SLC41A3: variants seen among roughly 807,000 people sequenced by gnomAD.
SLC41A3 encodes solute carrier family 41 member 3.
SLC41A3 carries 44 observed loss-of-function variants against 45.4 expected under a neutral mutation model. The observed-to-expected ratio is 0.97, with a 90% CI of 0.76 to 1.25. The LOEUF (loss-of-function observed/expected upper bound fraction) is 1.25, where lower values mean the gene tolerates loss of function less well. Among genes scored for constraint, SLC41A3 ranks in the 50% most tolerant of loss-of-function variants. The pLI is 0.00. For synonymous variants in SLC41A3, 256 were observed against 252.4 expected (o/e 1.01, Z -0.13); for missense variants, 550 against 600.6 (o/e 0.92, Z 0.88).
upstream of SLC41A3, among the ~76,000 whole-genome samples, chr3:126,085,097 C>T (rs1182193732): frequency 6.6e-6 from 1 of 152,220 alleles, no homozygotes; most frequent in Non-Finnish European, 1.5e-5. Flanking sequence ...CAAACTCAAC[C>T]AATTGTCAAC....
At chr3:126,053,385 A>C in intron 2 of SLC41A3, among the ~76,000 whole-genome samples, 1 of 152,182 alleles carries the variant, frequency 6.6e-6, no homozygotes, top group Non-Finnish European at 1.5e-5. Context: ...GGAACTGCGG[A>C]AAAAAATCAG....
intron 10 of SLC41A3, 76 bp from the exon 11 acceptor site, chr3:126,007,301 C>A: frequency 1.3e-6 from 2 of 1,494,940 alleles, no homozygotes; most frequent in Non-Finnish European, 1.8e-6. Flanking sequence ...CTAGCTGAGG[C>A]TCAAGGAGAG....
At chr3:126,043,607 G>A (rs192715348) in intron 3 of SLC41A3, among the ~76,000 whole-genome samples, 105 of 152,110 alleles carry the variant, frequency 6.9e-4, no homozygotes, top group African/African-American at 2.5e-3. Context: ...TATACTTTAT[G>A]AGATCAATAA....
chr3:126,037,421 G>A (rs1200221893), intron 3 of SLC41A3, among the ~76,000 whole-genome samples: 2 of 152,176 alleles, frequency 1.3e-5, no homozygotes, highest in Admixed American at 1.3e-4. Context: ...GACAGAGAAG[G>A]CCAGGCTGAT....
At chr3:126,012,535 A>C (rs1939824309) in intron 9 of SLC41A3, 80 bp downstream of exon 9, 18 of 1,577,246 alleles carry the variant, frequency 1.1e-5, no homozygotes, top group Non-Finnish European at 8.6e-7. Flanking sequence ...CCATTGCTAC[A>C]AACACCAGAT....
In SLC41A3 at chr3:126,051,037, AAC is replaced by A; in HGVS notation, c.285_286del (p.Phe96CysfsTer38). On this transcript the variant is annotated frameshift_variant, in exon 3 of 11. Transcript: ENST00000360370. LOFTEE classifies it high-confidence loss of function. ...TGTCAAAAGGTCTTTCACCTCCACA[AAC>A]ACAGGCCAGTGCTGGTAGGGAAACA... 1 of 1,610,034 alleles carries A rather than the reference AAC, an allele frequency of 6.2e-7. No homozygotes were observed. Among genetic ancestry groups the A allele is most frequent in the Non-Finnish European group, 8.5e-7 (1 of 1,177,974 alleles).
At position 126,075,242 on chromosome 3, in the gene SLC41A3, G is replaced by A. The variant is rs72965905; in HGVS notation, c.-27-6996C>T. On this transcript the variant is annotated intron_variant, in intron 1 of 10. Transcript: ENST00000360370. The stretch of plus-strand genomic sequence containing the variant: ...ATTACAGCTGTGAGCCACTGTATCC[G>A]GCCAGTTTTATTTTTATACACTAAT... Among the ~76,000 whole-genome samples, 1,009 of 152,174 alleles carry A rather than the reference G, an allele frequency of 6.6e-3. 10 individuals carry two copies. Among genetic ancestry groups the A allele is most frequent in the African/African-American group, 0.023 (944 of 41,502 alleles).
chr3:126,033,666 G>T lies in SLC41A3; in HGVS notation c.394C>A (p.Gln132Lys). ...TGCTGCTCCTGGGGGTCATCAATTT[G>T]TCCAGTGTTGGCCTAGAATGAAGAG... Reference protein sequence around the residue: ...SRLSTAANTGQIDDPQEQHRV... With the variant: ...SRLSTAANTGKIDDPQEQHRV... Residue 132 changes from glutamine (Q) to lysine (K), a missense_variant, in exon 4 of 11, where the codon CAA becomes AAA. Gln to Lys is a moderately conservative substitution (Grantham distance 53). Coordinates refer to ENST00000360370, the MANE Select transcript of SLC41A3 (RefSeq NM_017836.4). 1.9e-6 allele frequency: 3 copies of T among 1,612,868 alleles called. No individual in the cohort carries two copies. Among genetic ancestry groups the T allele is most frequent in the Non-Finnish European group, 2.5e-6 (3 of 1,179,760 alleles).
At chr3:126,083,919 C>T (rs1190330005) in intron 1 of SLC41A3, 174 bp downstream of exon 1, 5 of 149,096 alleles carry the variant, frequency 3.4e-5, no homozygotes. Context: ...CCCCAAATCC[C>T]GGTCCCCACC....
chr3:126,100,013 T>G (rs1314909375), intron 1 of SLC41A3, among the ~76,000 whole-genome samples: 1 of 152,200 alleles, frequency 6.6e-6, no homozygotes, highest in East Asian at 1.9e-4. Flanking sequence ...TGTTCCTGTT[T>G]GTGTCTCTGT....
intron 2 of SLC41A3, among the ~76,000 whole-genome samples, chr3:126,052,011 A>T (rs11710529): frequency 0.083 from 12,581 of 152,210 alleles, 652 homozygotes; most frequent in African/African-American, 0.13. Context: ...GTGAAGGTGA[A>T]GAGATCAGAC....
chr3:126,079,235 C>T (rs1945029236), intron 1 of SLC41A3, among the ~76,000 whole-genome samples: 1 of 137,938 alleles, frequency 7.2e-6, no homozygotes, highest in African/African-American at 2.8e-5. Flanking sequence ...CACACACACA[C>T]ACACCCACAC....
intron 3 of SLC41A3, among the ~76,000 whole-genome samples, chr3:126,048,196 C>G (rs1174296791): frequency 6.6e-6 from 1 of 152,146 alleles, no homozygotes; most frequent in African/African-American, 2.4e-5. Context: ...GAATTGATAA[C>G]TTTACAACAT....
intron 4 of SLC41A3, among the ~76,000 whole-genome samples, chr3:126,030,491 C>T (rs1293897916): frequency 6.6e-6 from 1 of 152,136 alleles, no homozygotes; most frequent in African/African-American, 2.4e-5. Context: ...GTATCTTATT[C>T]ATTAACAGCT....
At chr3:126,095,235 T>A in intron 1 of SLC41A3, 1 of 691,628 alleles carries the variant, frequency 1.4e-6, no homozygotes, top group Non-Finnish European at 2.6e-6. Flanking sequence ...ACCTGAAACC[T>A]TATCATGAGC....
intron 2 of SLC41A3, 52 bp downstream of exon 2, chr3:126,067,895 A>C: frequency 6.6e-7 from 1 of 1,524,670 alleles, no homozygotes; most frequent in East Asian, 2.3e-5. Flanking sequence ...CCTACTCTAT[A>C]GGTGATGTTC....
chr3:126,086,100 GA>G (rs906871735), upstream of SLC41A3, among the ~76,000 whole-genome samples: 5 of 149,734 alleles, frequency 3.3e-5, no homozygotes, highest in East Asian at 2.0e-4. Context: ...CTACTTCTAA[GA>G]AAAAAAAAGG....
chr3:126,014,380 C>T (rs1940049393), intron 8 of SLC41A3, among the ~76,000 whole-genome samples: 1 of 152,194 alleles, frequency 6.6e-6, no homozygotes, highest in Non-Finnish European at 1.5e-5. Flanking sequence ...CTACACTCTC[C>T]CGAGGCAACT....
intron 1 of SLC41A3, among the ~76,000 whole-genome samples, chr3:126,100,458 G>A (rs1945686726): frequency 6.6e-6 from 1 of 152,186 alleles, no homozygotes; most frequent in African/African-American, 2.4e-5. Context: ...CCTGGATCCA[G>A]CGTGCTGCCA....
Sources: gnomAD v4.1 joint callset for allele counts (sites outside exome capture counted in the v4.1 genomes callset) on GRCh38, gnomAD v4.1.1 for gene constraint, MANE v1.5 for transcripts, NCBI Gene and HGNC (gene_info 2026-07-23, HGNC 2026-07-21) for gene names.